PKD1L1: variants seen among roughly 807,000 people sequenced by gnomAD.
PKD1L1 encodes polycystin-1-like protein 1.
PKD1L1 carries 236 observed loss-of-function variants against 323.4 expected under a neutral mutation model. That is an observed-to-expected ratio of 0.73 (90% CI 0.66 to 0.81). The LOEUF is 0.81. PKD1L1 is among the 40% of genes least tolerant of loss of function. PKD1L1 has a pLI of 0.00. For synonymous variants in PKD1L1, 1,344 were observed against 1,335.0 expected, an observed-to-expected ratio of 1.01 and a Z score of -0.15; for missense variants, 3,320 against 3,508.0, an observed-to-expected ratio of 0.95 and a Z score of 1.35.
intron 7 of PKD1L1, among the ~76,000 whole-genome samples, chr7:47,924,273 G>A (rs1247841458): frequency 6.6e-6 from 1 of 152,156 alleles, no homozygotes; most frequent in Non-Finnish European, 1.5e-5. Flanking sequence ...CAGATGATTG[G>A]CTGAACAATT....
At position 47,803,329 on chromosome 7, in the gene PKD1L1, GGAGCCATC is replaced by G. The variant is rs1562937194; in HGVS notation, c.7835_7842del (p.Arg2612ProfsTer95). ...GTGAAGAGGAATAAGAGGATTCCCC[GGAGCCATC>G]GAGCCCTCTGAGACAGAAGAACATA... On this transcript the variant is annotated frameshift_variant, in exon 53 of 57. Coordinates refer to ENST00000289672, the MANE Select transcript of PKD1L1 (RefSeq NM_138295.5). LOFTEE classifies it high-confidence loss of function. The G allele has an allele frequency of 6.2e-7, 1 of 1,613,906 alleles. No homozygotes were observed. Among genetic ancestry groups the G allele is most frequent in the Admixed American group, 1.7e-5 (1 of 60,008 alleles).
chr7:47,775,147 A>T lies in PKD1L1; in HGVS notation c.8546T>A (p.Phe2849Tyr). 6.2e-7 allele frequency: 1 copy of T among 1,614,094 alleles called. No individual in the cohort carries two copies. Among genetic ancestry groups the T allele is most frequent in the Non-Finnish European group, 8.5e-7 (1 of 1,179,966 alleles). Residue 2849 changes from phenylalanine (F) to tyrosine (Y), a missense_variant, in exon 57 of 57, where the codon TTC (phenylalanine) becomes TAC (tyrosine). Transcript: ENST00000289672. Reference protein sequence around the residue: ...QAAEPADIKDF With the variant: ...QAAEPADIKDY ...CTATGCAAGGTACCAGGCTCCTCAG[A>T]AGTCCTTGATGTCTGCTGGCTAAAA...
chr7:47,793,007 A>G (rs562230084), intron 55 of PKD1L1, among the ~76,000 whole-genome samples: 5 of 151,922 alleles, frequency 3.3e-5, no homozygotes, highest in African/African-American at 9.7e-5. Flanking sequence ...ATGTACGTAT[A>G]CAGATATACA....
At chr7:47,912,686 T>C (rs1162295744) in intron 8 of PKD1L1, among the ~76,000 whole-genome samples, 5 of 151,284 alleles carry the variant, frequency 3.3e-5, no homozygotes, top group Admixed American at 3.3e-4. Context: ...CGTGGTGGTG[T>C]ATGCCTGTAA....
intron 26 of PKD1L1, among the ~76,000 whole-genome samples, chr7:47,864,365 A>G (rs1256186337): frequency 1.3e-5 from 2 of 152,138 alleles, no homozygotes; most frequent in Non-Finnish European, 2.9e-5. Flanking sequence ...GCAGCAATGC[A>G]GGGGGAACAT....
chr7:47,790,149 G>A (rs1584944383), intron 56 of PKD1L1, among the ~76,000 whole-genome samples: 2 of 151,076 alleles, frequency 1.3e-5, no homozygotes, highest in East Asian at 2.0e-4. Flanking sequence ...TAGGCCTCCC[G>A]AAGTGCTATG....
At chr7:47,943,654 A>G in intron 1 of PKD1L1, 143 bp from the exon 2 acceptor site, 1 of 629,216 alleles carries the variant, frequency 1.6e-6, no homozygotes, top group Non-Finnish European at 2.9e-6. Flanking sequence ...ATGAACAAAA[A>G]GACTCGCATC....
chr7:47,915,410 C>CT (rs1289054214), intron 8 of PKD1L1, 22 bp downstream of exon 8: 2 of 818,880 alleles, frequency 2.4e-6, no homozygotes, highest in African/African-American at 3.3e-5. Context: ...CTTGTGGCCT[C>CT]TTTTTGCTTT....
chr7:47,849,253 A>T (rs145610424), intron 31 of PKD1L1, among the ~76,000 whole-genome samples: 1 of 152,242 alleles, frequency 6.6e-6, no homozygotes, highest in Non-Finnish European at 1.5e-5. Flanking sequence ...ATTCTAAAAG[A>T]TAACATCAGA....
rs10600940 is a variant in PKD1L1, at chr7:47,796,999, CAAA to C, written c.8194-852_8194-850del. Among the ~76,000 whole-genome samples the C allele has an allele frequency of 3.6e-3, 466 of 129,486 alleles. 4 individuals carry two copies. The highest frequency in any genetic ancestry group is 0.013 in the Admixed American group (171 of 12,912). 84.9% of individuals were successfully genotyped at this position (129,486 alleles called of 152,430 possible). A position where few individuals can be genotyped will look rare whatever the true frequency, so the allele number is the denominator to read the frequency against. On this transcript the variant is annotated intron_variant, in intron 54 of 56. Coordinates refer to ENST00000289672, the MANE Select transcript of PKD1L1 (RefSeq NM_138295.5). ...TGGGCGACAGAGCAAGACTCCGTCT[CAAA>C]AAAAAAAAAAAAAACACCCAAACAA...
chr7:47,866,608 A>G lies in PKD1L1; in HGVS notation c.3903T>C (p.Asn1301=). 6.2e-7 allele frequency: 1 copy of G among 1,600,116 alleles called. No homozygotes were observed. The highest frequency in any genetic ancestry group is 8.5e-7 in the Non-Finnish European group (1 of 1,171,982). ...GGGTAGAAAGGTTTTTCAGGCTGGA[A>G]TTATACCTGAAGGAAACACAAGAGT... is the stretch of plus-strand genomic sequence containing the variant. ...GNDCLGEDLY[N]SSLKNLSTLQ... The change falls in exon 25 of 57, where the codon AAT becomes AAC. Residue 1301 remains asparagine (N), a synonymous_variant. Transcript: ENST00000289672.
intron 3 of PKD1L1, among the ~76,000 whole-genome samples, chr7:47,937,492 A>G (rs73695940): frequency 0.12 from 18,517 of 152,130 alleles, 1,261 homozygotes; most frequent in East Asian, 0.23. Flanking sequence ...GGTCAGACTC[A>G]GGAAGTGGAG....
intron 55 of PKD1L1, among the ~76,000 whole-genome samples, 186 bp downstream of exon 55, chr7:47,795,803 T>C (rs531727786): frequency 6.6e-6 from 1 of 152,332 alleles, no homozygotes; most frequent in Non-Finnish European, 1.5e-5. Context: ...ATCTGTAAAG[T>C]GTTTTAGAAT....
intron 8 of PKD1L1, among the ~76,000 whole-genome samples, chr7:47,914,692 C>G (rs1208150150): frequency 6.6e-6 from 1 of 152,166 alleles, no homozygotes. Context: ...CTCTCCCTCC[C>G]TCTCCATCTG....
At chr7:47,778,194 T>G (rs1334213412) in intron 56 of PKD1L1, among the ~76,000 whole-genome samples, 1 of 151,882 alleles carries the variant, frequency 6.6e-6, no homozygotes, top group African/African-American at 2.4e-5. Flanking sequence ...AGGACGGTGG[T>G]GGTGGGGGCT....
intron 18 of PKD1L1, 95 bp from the exon 19 acceptor site, chr7:47,884,752 T>A (rs1786644725): frequency 1.0e-6 from 1 of 1,002,518 alleles, no homozygotes; most frequent in African/African-American, 1.6e-5. Context: ...TTGTCCTTGG[T>A]GTATTTCTAG....
At chr7:47,819,901 G>A (rs1264162846) in intron 46 of PKD1L1, 6 of 247,804 alleles carry the variant, frequency 2.4e-5, no homozygotes, top group East Asian at 1.7e-4. Flanking sequence ...AAGTATTTAC[G>A]TCAAATTGAA....
At chr7:47,855,328 C>A (rs1785874842) in intron 28 of PKD1L1, 63 bp from the exon 29 acceptor site, 2 of 1,259,728 alleles carry the variant, frequency 1.6e-6, no homozygotes, top group African/African-American at 1.5e-5. Context: ...GTGAGAAAAG[C>A]AGCAAACCAA....
chr7:47,864,576 TTTTCTTTCTTTC>T lies in PKD1L1; in HGVS notation c.4149+628_4149+639del, dbSNP rs199500886. On this transcript the variant is annotated intron_variant, in intron 26 of 56. Coordinates refer to ENST00000289672, the MANE Select transcript of PKD1L1 (RefSeq NM_138295.5). The stretch of plus-strand genomic sequence containing the variant: ...TCTTCCTTCTTTTTCTTTTTCTTTC[TTTTCTTTCTTTC>T]TTTCTTTCTTTCTTTCTTTCTTTCT... Among the ~76,000 whole-genome samples the T allele has an allele frequency of 7.4e-3, 798 of 107,606 alleles. 4 individuals are homozygous for T. Among genetic ancestry groups the T allele is most frequent in the South Asian group, 0.017 (46 of 2,762 alleles). The allele number at this position is 107,606 out of a possible 152,430, so 70.6% of individuals were successfully genotyped here. A position where few individuals can be genotyped will look rare whatever the true frequency, so the allele number is the denominator to read the frequency against.
Sources: gnomAD v4.1 joint callset for allele counts (sites outside exome capture counted in the v4.1 genomes callset) on GRCh38, gnomAD v4.1.1 for gene constraint, MANE v1.5 for transcripts, NCBI Gene and HGNC (gene_info 2026-07-23, HGNC 2026-07-21) for gene names.